ALMS1: variants seen among roughly 807,000 people sequenced by gnomAD.
The protein encoded by ALMS1 is ALMS1 centrosome and basal body associated protein, also known as centrosome-associated protein ALMS1.
ALMS1 carries 271 observed loss-of-function variants against 352.2 expected under a neutral mutation model. The ratio of observed to expected loss-of-function variants is 0.77; its 90% confidence interval spans 0.70 to 0.85. The LOEUF (loss-of-function observed/expected upper bound fraction) is 0.85. Ranked by LOEUF, ALMS1 falls within the 40% of genes least tolerant of loss-of-function variation. ALMS1 has a pLI of 0.00. For synonymous variants in ALMS1, 1,865 were observed against 1,761.2 expected, an observed-to-expected ratio of 1.06 and a Z score of -1.48; for missense variants, 5,445 against 4,870.7, an observed-to-expected ratio of 1.12 and a Z score of -3.51.
In ALMS1 at chr2:73,601,358, C is replaced by A. The variant is rs370981817; in HGVS notation, c.12036C>A (p.Asp4012Glu). 22 of 1,614,016 alleles carry A rather than the reference C, an allele frequency of 1.4e-5. No homozygotes were observed. In the East Asian group the frequency reaches 4.7e-4, roughly 34 times the overall value. The change falls in exon 19 of 23, where the codon GAC becomes GAA. Residue 4012 changes from aspartate to glutamate, a missense_variant. Coordinates refer to ENST00000613296, the MANE Select transcript of ALMS1 (RefSeq NM_001378454.1). ...REQNCQGQHL[D>E]GRGYLAGPGR... Reference sequence around the variant, plus strand: ...AGAACTGTCAGGGGCAGCACCTGGACGGTCGGGGCTACCTGGCAGGCCCAG... The same window carrying A: ...AGAACTGTCAGGGGCAGCACCTGGAAGGTCGGGGCTACCTGGCAGGCCCAG...
In ALMS1 at chr2:73,450,096, C is replaced by T; in HGVS notation, c.3569C>T (p.Thr1190Ile). Residue 1190 changes from threonine (T) to isoleucine (I), a missense_variant, in exon 8 of 23, where the codon ACC becomes ATC. Transcript: ENST00000613296. Reference protein sequence around the residue: ...QKTWIPRVLSTFYSQREKPGI... With the variant: ...QKTWIPRVLSIFYSQREKPGI... ...ACTTGGATACCAAGAGTACTTTCTA[C>T]CTTCTACTCACAAAGAGAGAAACCT... is the stretch of plus-strand genomic sequence containing the variant. 1 of 1,614,026 alleles carries T rather than the reference C, an allele frequency of 6.2e-7. No homozygotes were observed. The highest frequency in any genetic ancestry group is 2.2e-5 in the East Asian group (1 of 44,872).
rs1020024867 is a variant in ALMS1, at chr2:73,502,351, A to G, written c.9539+10853A>G. ...ATTCTTCATACATAATCATTTCACC[A>G]GAGAACAGAGCAGTTTTACTCCTTC... On this transcript the variant is annotated intron_variant, in intron 10 of 22. Coordinates refer to ENST00000613296, the MANE Select transcript of ALMS1 (RefSeq NM_001378454.1). Among the ~76,000 whole-genome samples the G allele has an allele frequency of 2.6e-5, 4 of 152,166 alleles. No homozygotes were observed. The South Asian group carries it at 8.3e-4, about 31-fold the overall frequency.
chr2:73,566,381 C>G (rs561277598), intron 15 of ALMS1, among the ~76,000 whole-genome samples: 52 of 152,240 alleles, frequency 3.4e-4, no homozygotes, highest in Non-Finnish European at 5.3e-4. Context: ...ATAACCCAGA[C>G]AGCTATGAAG....
chr2:73,572,752 G>C lies in ALMS1; in HGVS notation c.10875G>C (p.Leu3625Phe). The C allele has an allele frequency of 6.2e-7, 1 of 1,614,026 alleles. No individual in the cohort carries two copies. The highest frequency in any genetic ancestry group is 8.5e-7 in the Non-Finnish European group (1 of 1,179,980). ...PELGDRKELS[L>F]VDRLDRLAKI... The stretch of plus-strand genomic sequence containing the variant: ...TGGGTGACAGGAAAGAACTGTCCTT[G>C]GTGGACCGACTTGATCGTTTGGCTA... The change falls in exon 16 of 23, where the codon TTG becomes TTC. Residue 3625 changes from leucine to phenylalanine, a missense_variant. Physicochemically the swap from Leu to Phe is conservative, Grantham distance 22. Transcript: ENST00000613296.
chr2:73,543,435 C>T (rs1674238133), intron 12 of ALMS1, among the ~76,000 whole-genome samples: 1 of 152,150 alleles, frequency 6.6e-6, no homozygotes, highest in Non-Finnish European at 1.5e-5. Context: ...CTAGGCAATA[C>T]CATTCAGGAC....
At chr2:73,390,579 G>A (rs568885570) in intron 1 of ALMS1, among the ~76,000 whole-genome samples, 1 of 152,260 alleles carries the variant, frequency 6.6e-6, no homozygotes, top group African/African-American at 2.4e-5. Flanking sequence ...TTTTTAAGAG[G>A]GAAGTGAGTG....
intron 11 of ALMS1, among the ~76,000 whole-genome samples, chr2:73,529,365 T>C (rs1393916003): frequency 6.6e-6 from 1 of 152,206 alleles, no homozygotes; most frequent in Non-Finnish European, 1.5e-5. Flanking sequence ...TTTTGAATTC[T>C]TTGTCTGAAA....
intron 1 of ALMS1, among the ~76,000 whole-genome samples, chr2:73,399,320 C>T (rs1025563951): frequency 6.6e-6 from 1 of 152,028 alleles, no homozygotes; most frequent in African/African-American, 2.4e-5. Context: ...CATTGTGTTG[C>T]TATGAAGAAA....
chr2:73,466,419 G>A (rs921118120), intron 9 of ALMS1, among the ~76,000 whole-genome samples: 1 of 147,696 alleles, frequency 6.8e-6, no homozygotes, highest in African/African-American at 2.5e-5. Flanking sequence ...TCACTCATAG[G>A]TGGGAATTGA....
chr2:73,499,869 T>C (rs1190422197), intron 10 of ALMS1, among the ~76,000 whole-genome samples: 2 of 152,084 alleles, frequency 1.3e-5, no homozygotes, highest in Non-Finnish European at 1.5e-5. Flanking sequence ...ACTCCCCTCC[T>C]CCCCACCTTC....
chr2:73,537,566 T>C (rs1260926714), intron 12 of ALMS1, among the ~76,000 whole-genome samples: 4 of 152,212 alleles, frequency 2.6e-5, no homozygotes, highest in Non-Finnish European at 5.9e-5. Flanking sequence ...ATTAAGCTAA[T>C]TGAGTAGTAA....
chr2:73,508,207 C>CT (rs562118895), intron 10 of ALMS1, among the ~76,000 whole-genome samples: 26,155 of 107,972 alleles, frequency 0.24, 3,816 homozygotes, highest in African/African-American at 0.41. Flanking sequence ...TCTTCTTCTT[C>CT]TTTTTTTTTT....
chr2:73,456,035 G>A (rs553093025), intron 9 of ALMS1, among the ~76,000 whole-genome samples: 2 of 152,178 alleles, frequency 1.3e-5, no homozygotes, highest in South Asian at 2.1e-4. Flanking sequence ...GTAGAAAAGA[G>A]CATATATGAA....
rs780558004 is a variant in ALMS1, at chr2:73,490,471, A to G, written c.8512A>G (p.Ile2838Val). 12 of 1,614,204 alleles carry G rather than the reference A, an allele frequency of 7.4e-6. No individual in the cohort carries two copies. The Admixed American group carries it at 1.5e-4, about 20-fold the overall frequency. Residue 2838 changes from isoleucine to valine, a missense_variant, in exon 10 of 23, where the codon ATT (isoleucine) becomes GTT (valine). Physicochemically the swap from Ile to Val is conservative, Grantham distance 29. Coordinates refer to ENST00000613296, the MANE Select transcript of ALMS1 (RefSeq NM_001378454.1). ...ANCSNFKEIQISDNHTLISMG... is the reference protein window; with the variant it reads ...ANCSNFKEIQVSDNHTLISMG... The stretch of plus-strand genomic sequence containing the variant: ...TTGTAGCAATTTCAAGGAAATTCAG[A>G]TTTCTGATAACCATACCCTTATTAG...
intron 2 of ALMS1, among the ~76,000 whole-genome samples, chr2:73,413,624 C>A (rs1005696600): frequency 6.6e-6 from 1 of 152,124 alleles, no homozygotes; most frequent in African/African-American, 2.4e-5. Flanking sequence ...AAGGGAGAGG[C>A]GTGTCAAAAT....
intron 9 of ALMS1, among the ~76,000 whole-genome samples, chr2:73,467,127 G>A (rs1672372169): frequency 6.6e-6 from 1 of 151,910 alleles, no homozygotes; most frequent in Non-Finnish European, 1.5e-5. Context: ...CTTCATAAAA[G>A]AAAGGATTGC....
At chr2:73,396,163 T>G (rs1670755502) in intron 1 of ALMS1, among the ~76,000 whole-genome samples, 1 of 152,150 alleles carries the variant, frequency 6.6e-6, no homozygotes, top group Non-Finnish European at 1.5e-5. Flanking sequence ...CCTAATTTCT[T>G]AAGTGTTTTT....
chr2:73,439,954 C>G (rs1372756414), intron 7 of ALMS1, among the ~76,000 whole-genome samples: 1 of 151,946 alleles, frequency 6.6e-6, no homozygotes, highest in Non-Finnish European at 1.5e-5. Context: ...CATGAACATA[C>G]TTTAGAATTT....
intron 6 of ALMS1, among the ~76,000 whole-genome samples, chr2:73,427,579 C>T (rs1671407923): frequency 6.6e-6 from 1 of 151,878 alleles, no homozygotes; most frequent in Non-Finnish European, 1.5e-5. Context: ...TGGTGGTTTG[C>T]TGCACCTATC....
Sources: gnomAD v4.1 joint callset for allele counts (sites outside exome capture counted in the v4.1 genomes callset) on GRCh38, gnomAD v4.1.1 for gene constraint, MANE v1.5 for transcripts, NCBI Gene and HGNC (gene_info 2026-07-23, HGNC 2026-07-21) for gene names.